The following ARHGAP20 variants were observed in gnomAD, a reference collection of about 807,000 sequenced individuals.
The protein encoded by ARHGAP20 is Rho GTPase activating protein 20, also known as rho GTPase-activating protein 20.
A neutral mutation model predicts 73.7 loss-of-function variants in ARHGAP20; 34 were observed. That is an observed-to-expected ratio of 0.46 (90% CI 0.35 to 0.61). The LOEUF is 0.61. ARHGAP20 is among the 20% of genes least tolerant of loss of function. The pLI, the probability that ARHGAP20 is intolerant of heterozygous loss-of-function variation, is 0.00. For missense variants in ARHGAP20, 1,314 were observed against 1,420.9 expected (o/e 0.92, Z 1.21); for synonymous variants, 523 against 518.2 (o/e 1.01, Z -0.13).
At chr11:110,672,607 GC>G (rs958058565) in intron 2 of ARHGAP20, among the ~76,000 whole-genome samples, 8 of 152,004 alleles carry the variant, frequency 5.3e-5, no homozygotes, top group Non-Finnish European at 7.4e-5. Flanking sequence ...ACCACACTTG[GC>G]TAATTTTTTC....
chr11:110,632,053 C>T (rs1473268227), intron 2 of ARHGAP20, among the ~76,000 whole-genome samples: 1 of 152,102 alleles, frequency 6.6e-6, no homozygotes, highest in African/African-American at 2.4e-5. Context: ...CTTAGGTATT[C>T]AATGTATAAA....
chr11:110,700,730 C>A (rs1950430279), intron 1 of ARHGAP20, among the ~76,000 whole-genome samples: 1 of 100,456 alleles, frequency 1.0e-5, no homozygotes, highest in African/African-American at 3.8e-5. Flanking sequence ...CCAGTGCTAT[C>A]CCTCCCCCCT....
At chr11:110,690,927 G>T (rs1400890159) in intron 1 of ARHGAP20, 2 of 1,344,034 alleles carry the variant, frequency 1.5e-6, no homozygotes, top group Admixed American at 2.3e-5. Flanking sequence ...ATTATTACTG[G>T]TTATCATGTG....
intron 2 of ARHGAP20, among the ~76,000 whole-genome samples, chr11:110,668,869 G>A (rs1476033216): frequency 1.3e-5 from 2 of 152,078 alleles, no homozygotes; most frequent in East Asian, 3.8e-4. Context: ...GCAATTAAAA[G>A]GGAAAGGATA....
At chr11:110,582,652 T>C (rs1377022754) in intron 13 of ARHGAP20, among the ~76,000 whole-genome samples, 1 of 152,244 alleles carries the variant, frequency 6.6e-6, no homozygotes, top group African/African-American at 2.4e-5. Context: ...AAGTTATTAT[T>C]TGTAGCCTTG....
rs1947339278 is a variant in ARHGAP20, at chr11:110,578,211, C to A, written c.*1159G>T. The A allele has an allele frequency of 1.0e-6, 1 of 985,334 alleles. No homozygotes were observed. The highest frequency in any genetic ancestry group is 1.7e-5 in the African/African-American group (1 of 57,332). 61.0% of individuals were successfully genotyped at this position (985,334 alleles called of 1,614,324 possible). Reference sequence around the variant, plus strand: ...GGTATAAGCCATGAAACATTTGGGGCAAAAATATGGAACAACGTCTGGAAG... The same window carrying A: ...GGTATAAGCCATGAAACATTTGGGGAAAAAATATGGAACAACGTCTGGAAG... On this transcript the variant is annotated 3_prime_UTR_variant, in exon 15 of 15. Coordinates refer to ENST00000683387, the MANE Select transcript of ARHGAP20 (RefSeq NM_001384657.1).
chr11:110,631,466 T>C (rs1011231319), intron 2 of ARHGAP20, among the ~76,000 whole-genome samples: 2 of 152,204 alleles, frequency 1.3e-5, no homozygotes, highest in East Asian at 1.9e-4. Flanking sequence ...TAAATTTTTA[T>C]ATATCGAAGT....
intron 2 of ARHGAP20, among the ~76,000 whole-genome samples, chr11:110,648,099 T>C (rs917041270): frequency 4.7e-5 from 7 of 148,842 alleles, no homozygotes; most frequent in African/African-American, 1.2e-4. Context: ...TTTCAACCTT[T>C]GGGACCGCAC....
At chr11:110,591,186 G>A (rs1243498950) in intron 10 of ARHGAP20, among the ~76,000 whole-genome samples, 1 of 152,206 alleles carries the variant, frequency 6.6e-6, no homozygotes, top group African/African-American at 2.4e-5. Context: ...ACTACGTCCT[G>A]CTTACAGTGT....
chr11:110,644,563 T>C (rs1235210650), intron 2 of ARHGAP20, among the ~76,000 whole-genome samples: 5 of 152,146 alleles, frequency 3.3e-5, no homozygotes, highest in Admixed American at 3.3e-4. Flanking sequence ...AGACTCCCTA[T>C]TCAATAAATG....
intron 1 of ARHGAP20, among the ~76,000 whole-genome samples, chr11:110,710,136 G>A (rs1366481326): frequency 6.6e-6 from 1 of 152,164 alleles, no homozygotes; most frequent in East Asian, 1.9e-4. Flanking sequence ...TACAGATATA[G>A]GGATGTTGCA....
intron 2 of ARHGAP20, among the ~76,000 whole-genome samples, chr11:110,649,610 GA>G (rs1231784305): frequency 6.6e-6 from 1 of 151,938 alleles, no homozygotes; most frequent in Non-Finnish European, 1.5e-5. Context: ...GAAGACATCA[GA>G]AAAAACTTTA....
chr11:110,680,091 T>C (rs1439224269), intron 2 of ARHGAP20, among the ~76,000 whole-genome samples: 1 of 152,154 alleles, frequency 6.6e-6, no homozygotes, highest in East Asian at 1.9e-4. Context: ...TTTATATATT[T>C]TTAATAATTT....
intron 1 of ARHGAP20, among the ~76,000 whole-genome samples, chr11:110,698,209 T>C (rs1169430949): frequency 6.6e-6 from 1 of 151,906 alleles, no homozygotes; most frequent in African/African-American, 2.4e-5. Context: ...TCTGTGTATG[T>C]GGTAAAACAC....
At chr11:110,657,431 T>C (rs1949490356) in intron 2 of ARHGAP20, among the ~76,000 whole-genome samples, 2 of 151,450 alleles carry the variant, frequency 1.3e-5, no homozygotes, top group South Asian at 2.1e-4. Context: ...AAAAACATAA[T>C]GGGAATTTAG....
chr11:110,672,525 A>G (rs1421389854), intron 2 of ARHGAP20, among the ~76,000 whole-genome samples: 2 of 151,898 alleles, frequency 1.3e-5, no homozygotes, highest in Non-Finnish European at 2.9e-5. Context: ...GCTCACTGCA[A>G]CCTCCGCCCC....
intron 2 of ARHGAP20, among the ~76,000 whole-genome samples, chr11:110,671,309 A>T (rs982274506): frequency 2.1e-4 from 31 of 150,874 alleles, no homozygotes; most frequent in African/African-American, 6.2e-4. Context: ...TTCGTGATTT[A>T]AAAAAAACAC....
chr11:110,653,022 A>C (rs1269739380), intron 2 of ARHGAP20, among the ~76,000 whole-genome samples: 1 of 152,212 alleles, frequency 6.6e-6, no homozygotes, highest in Admixed American at 6.5e-5. Flanking sequence ...CCATATACGC[A>C]GAGAATTGAA....
chr11:110,608,512 A>T (rs181981675), intron 8 of ARHGAP20, among the ~76,000 whole-genome samples: 7 of 152,246 alleles, frequency 4.6e-5, no homozygotes, highest in Admixed American at 3.3e-4. Flanking sequence ...TTTCTTCATG[A>T]TTCTTAGGAA....
Sources: gnomAD v4.1 joint callset for allele counts (sites outside exome capture counted in the v4.1 genomes callset) on GRCh38, gnomAD v4.1.1 for gene constraint, MANE v1.5 for transcripts, NCBI Gene and HGNC (gene_info 2026-07-23, HGNC 2026-07-21) for gene names.